EPS8: variants seen among roughly 807,000 people sequenced by gnomAD.
The protein encoded by EPS8 is EGFR pathway substrate 8, signaling adaptor.
A neutral mutation model predicts 103.8 loss-of-function variants in EPS8; 42 were observed. The observed-to-expected ratio is 0.40, with a 90% CI of 0.32 to 0.52. The LOEUF is 0.52. EPS8 is among the 20% of genes least tolerant of loss of function. The pLI is 0.40. For missense variants in EPS8, 969 were observed against 1,005.1 expected (o/e 0.96, Z 0.49); for synonymous variants, 344 against 344.6 (o/e 1.00, Z 0.02).
rs1398079111 is a variant in EPS8 at position 15,663,938 on chromosome 12, A to ATAATAATAATAAT, written c.736+1817_736+1818insATTATTATTATTA. ...TCCATCTCAAAAAAAAAAAAAAAAA[A>ATAATAATAATAAT]AAAAAAAATAATATATATATATATA... On this transcript the variant is annotated intron_variant, in intron 8 of 20. Coordinates refer to ENST00000281172, the MANE Select transcript of EPS8 (RefSeq NM_004447.6). 1.7e-3 allele frequency among the ~76,000 whole-genome samples: 63 copies of ATAATAATAATAAT among 36,350 alleles called. 1 individual carries two copies. Among genetic ancestry groups the ATAATAATAATAAT allele is most frequent in the Middle Eastern group, 0.026 (1 of 38 alleles). 23.8% of individuals were successfully genotyped at this position (36,350 alleles called of 152,430 possible).
At chr12:15,774,561 C>A (rs988530848) in intron 1 of EPS8, among the ~76,000 whole-genome samples, 15 of 145,232 alleles carry the variant, frequency 1.0e-4, no homozygotes, top group African/African-American at 3.8e-4. Context: ...TATACATATA[C>A]ATATATATAT....
intron 1 of EPS8, chr12:15,683,462 A>T (rs1946043944): frequency 6.6e-6 from 1 of 152,222 alleles, no homozygotes; most frequent in Non-Finnish European, 1.5e-5. Flanking sequence ...TTTTGCCTAC[A>T]AGTGGTTTTC....
chr12:15,743,001 A>C (rs555040903), intron 1 of EPS8, among the ~76,000 whole-genome samples: 1 of 152,230 alleles, frequency 6.6e-6, no homozygotes, highest in African/African-American at 2.4e-5. Flanking sequence ...ATGATTGTCT[A>C]TCTAGAAAAC....
chr12:15,657,145 C>G (rs12319972), intron 12 of EPS8, among the ~76,000 whole-genome samples: 1,558 of 152,270 alleles, frequency 0.01, 43 homozygotes, highest in Admixed American at 0.065. Context: ...TCTTTCTAAT[C>G]TTTTCTTCAT....
At chr12:15,739,877 A>AGATTT (rs1565525424) in intron 1 of EPS8, among the ~76,000 whole-genome samples, 1 of 152,166 alleles carries the variant, frequency 6.6e-6, no homozygotes, top group Admixed American at 6.5e-5. Flanking sequence ...AGCTTTTCAA[A>AGATTT]GAAGCCTCTA....
intron 1 of EPS8, among the ~76,000 whole-genome samples, chr12:15,711,598 G>T (rs1056326651): frequency 5.9e-5 from 9 of 152,112 alleles, no homozygotes; most frequent in Non-Finnish European, 1.2e-4. Flanking sequence ...CATTAATACT[G>T]CCATTTGCCT....
intron 15 of EPS8, among the ~76,000 whole-genome samples, chr12:15,643,483 T>C (rs1945266363): frequency 6.6e-6 from 1 of 152,114 alleles, no homozygotes; most frequent in African/African-American, 2.4e-5. Flanking sequence ...TTCATGCCCG[T>C]AATCCTAGCA....
At position 15,737,138 on chromosome 12, in the gene EPS8, T is replaced by C. The variant is rs367757530; in HGVS notation, c.-22+52023A>G. Reference sequence around the variant, plus strand: ...TACTAAACACAATAGTGTAGGTCTCTTCTTTCAAAAAGCTCACAGCTCAGT... The same window carrying C: ...TACTAAACACAATAGTGTAGGTCTCCTCTTTCAAAAAGCTCACAGCTCAGT... On this transcript the variant is annotated intron_variant, in intron 1 of 20. Transcript: ENST00000281172. 6.0e-5 allele frequency among the ~76,000 whole-genome samples: 9 copies of C among 149,514 alleles called. No individual in the cohort carries two copies. The East Asian group carries it at 1.8e-3, about 30-fold the overall frequency.
In EPS8 at chr12:15,654,493, T is replaced by C. The variant is rs557393951; in HGVS notation, c.1102-200A>G. 1.4e-5 allele frequency: 8 copies of C among 587,498 alleles called. No homozygotes were observed. In the South Asian group the frequency reaches 1.5e-4, roughly 11 times the overall value. 36.4% of individuals were successfully genotyped at this position (587,498 alleles called of 1,614,324 possible). A position where few individuals can be genotyped will look rare whatever the true frequency, so the allele number is the denominator to read the frequency against. On this transcript the variant is annotated intron_variant, in intron 12 of 20. Coordinates refer to ENST00000281172, the MANE Select transcript of EPS8 (RefSeq NM_004447.6). ...GCCCAGCAGTGCTTTAAAACCTAAA[T>C]GAAAGTTAACAATTTAACAACTTTC...
intron 1 of EPS8, among the ~76,000 whole-genome samples, chr12:15,741,633 G>C (rs11056623): frequency 6.6e-6 from 1 of 152,130 alleles, no homozygotes; most frequent in Non-Finnish European, 1.5e-5. Context: ...CTTTTAAAGC[G>C]TAAAGTCCAC....
intron 7 of EPS8, 43 bp from the exon 8 acceptor site, chr12:15,665,935 T>C (rs1270747739): frequency 1.3e-6 from 2 of 1,592,460 alleles, no homozygotes; most frequent in Non-Finnish European, 8.6e-7. Context: ...CATCTCTATT[T>C]CTATAACATA....
intron 17 of EPS8, among the ~76,000 whole-genome samples, chr12:15,638,118 T>C (rs1945167215): frequency 6.6e-6 from 1 of 152,100 alleles, no homozygotes; most frequent in South Asian, 2.1e-4. Flanking sequence ...ATTTTAGATA[T>C]GGGTATCTGG....
chr12:15,756,748 C>T (rs1330975872), intron 1 of EPS8, among the ~76,000 whole-genome samples: 2 of 152,174 alleles, frequency 1.3e-5, no homozygotes, highest in East Asian at 1.9e-4. Flanking sequence ...AAATTTGGAA[C>T]ATGACAGATC....
At chr12:15,699,385 C>A (rs1265565831) in intron 1 of EPS8, among the ~76,000 whole-genome samples, 3 of 152,142 alleles carry the variant, frequency 2.0e-5, no homozygotes, top group Non-Finnish European at 4.4e-5. Context: ...GGTTTACTCA[C>A]CTGTAAAATG....
chr12:15,633,562 C>T (rs1287162276), intron 17 of EPS8, among the ~76,000 whole-genome samples: 1 of 152,176 alleles, frequency 6.6e-6, no homozygotes, highest in Non-Finnish European at 1.5e-5. Context: ...TGAAAACAAA[C>T]TCACCAAATG....
intron 1 of EPS8, chr12:15,712,733 G>T (rs1009540303): frequency 2.8e-6 from 1 of 356,786 alleles, no homozygotes; most frequent in Non-Finnish European, 3.9e-6. Flanking sequence ...CAATCAAAGG[G>T]CTTACTTGGA....
rs545938017 is a variant in EPS8 at position 15,695,868 on chromosome 12, G to A, written c.-21-12896C>T. 3.3e-5 allele frequency among the ~76,000 whole-genome samples: 5 copies of A among 152,258 alleles called. No individual in the cohort carries two copies. The highest frequency in any genetic ancestry group is 9.6e-5 in the African/African-American group (4 of 41,550). Reference sequence around the variant, plus strand: ...CAGGCACCTGTAATCCCAGCTACTCGGGAGGCTGAGACAGGAGAATCACTT... The same window carrying A: ...CAGGCACCTGTAATCCCAGCTACTCAGGAGGCTGAGACAGGAGAATCACTT... On this transcript the variant is annotated intron_variant, in intron 1 of 20. Coordinates refer to ENST00000281172, the MANE Select transcript of EPS8 (RefSeq NM_004447.6). The surrounding 1 kb of genome is among the most constrained non-coding windows in gnomAD (Gnocchi z 5.0).
At position 15,706,574 on chromosome 12, in the gene EPS8, C is replaced by T. The variant is rs1463778486; in HGVS notation, c.-21-23602G>A. On this transcript the variant is annotated intron_variant, in intron 1 of 20. Coordinates refer to ENST00000281172, the MANE Select transcript of EPS8 (RefSeq NM_004447.6). The surrounding 1 kb of genome is among the most constrained non-coding windows in gnomAD (Gnocchi z 5.2). ...TGGGCCAATATTTGCTTAATATCTG[C>T]ATTTCAAAAATAAAGTACTAGCTGG... Among the ~76,000 whole-genome samples the T allele has an allele frequency of 6.6e-6, 1 of 152,126 alleles. No individual in the cohort carries two copies. The highest frequency in any genetic ancestry group is 1.9e-4 in the East Asian group (1 of 5,198).
At position 15,695,952 on chromosome 12, in the gene EPS8, A is replaced by C. The variant is rs1460212034; in HGVS notation, c.-21-12980T>G. On this transcript the variant is annotated intron_variant, in intron 1 of 20. Coordinates refer to ENST00000281172, the MANE Select transcript of EPS8 (RefSeq NM_004447.6). This position sits in a 1 kb window ranked among gnomAD's most constrained non-coding sequence, Gnocchi z 5.0. ...ATATGACAACTTCTGTTAATTTATT[A>C]AAAAGTAAAAATAAAACAGATAGCG... 6.6e-6 allele frequency among the ~76,000 whole-genome samples: 1 copy of C among 152,204 alleles called. No individual in the cohort carries two copies. The highest frequency in any genetic ancestry group is 2.4e-5 in the African/African-American group (1 of 41,450).
Sources: gnomAD v4.1 joint callset for allele counts (sites outside exome capture counted in the v4.1 genomes callset) on GRCh38, gnomAD v4.1.1 for gene constraint, Gnocchi (gnomAD v3.1) non-coding constraint, MANE v1.5 for transcripts, NCBI Gene and HGNC (gene_info 2026-07-23, HGNC 2026-07-21) for gene names.